The following ARHGEF7 variants were observed in gnomAD, a reference collection of about 807,000 sequenced individuals.
ARHGEF7 encodes the protein Rho guanine nucleotide exchange factor 7, also known as PAK-interacting exchange factor beta.
In ARHGEF7, 33 loss-of-function variants were observed where a neutral mutation model predicts 109.8. The observed-to-expected ratio is 0.30, with a 90% CI of 0.23 to 0.40. The LOEUF is 0.40. ARHGEF7 is among the 10% of genes least tolerant of loss of function. The pLI is 1.00. For missense variants in ARHGEF7, 938 were observed against 1,098.5 expected, an observed-to-expected ratio of 0.85 and a Z score of 2.07; for synonymous variants, 458 against 424.6, an observed-to-expected ratio of 1.08 and a Z score of -0.97.
At position 111,258,345 on chromosome 13, in the gene ARHGEF7, C is replaced by G. The variant is rs1566983587; in HGVS notation, c.951-9203C>G. 6.6e-6 allele frequency among the ~76,000 whole-genome samples: 1 copy of G among 152,268 alleles called. No individual in the cohort carries two copies. ...GCAGCCTGCACCTCCAGGAGAGACT[C>G]CTTCCTTCTGCTAGAGAATAAGAGG... On this transcript the variant is annotated intron_variant, in intron 8 of 21. Coordinates refer to ENST00000646102, the MANE Select transcript of ARHGEF7 (RefSeq NM_001354046.2). The surrounding 1 kb of genome is among the most constrained non-coding windows in gnomAD (Gnocchi z 4.4).
intron 4 of ARHGEF7, among the ~76,000 whole-genome samples, chr13:111,215,843 C>T (rs1276269555): frequency 6.6e-6 from 1 of 152,140 alleles, no homozygotes; most frequent in Non-Finnish European, 1.5e-5. Context: ...GAGCCGCCTT[C>T]CATTGTCACC....
At chr13:111,126,127 G>A (rs1005368015) in intron 1 of ARHGEF7, among the ~76,000 whole-genome samples, 4 of 152,240 alleles carry the variant, frequency 2.6e-5, no homozygotes, top group African/African-American at 9.6e-5. Context: ...GGTGACAGAT[G>A]TCTTCTGGTG....
chr13:111,166,470 C>T (rs926366440), intron 2 of ARHGEF7, among the ~76,000 whole-genome samples: 4 of 152,106 alleles, frequency 2.6e-5, no homozygotes, highest in African/African-American at 7.2e-5. Context: ...GGCAAAAGCA[C>T]GGAAACCAAA....
chr13:111,153,635 T>C (rs1459330403), intron 1 of ARHGEF7: 4 of 1,187,010 alleles, frequency 3.4e-6, no homozygotes, highest in African/African-American at 1.6e-5. Flanking sequence ...GGGGGCGCGG[T>C]CTGAGGACGT....
rs952626929 is a variant in ARHGEF7 at position 111,228,924 on chromosome 13, G to A, written c.671-4281G>A. ...GGTTGGTGACACGTCACAAATGAAA[G>A]CGTAACCACTGAAACAGAGGGAAGC... On this transcript the variant is annotated intron_variant, in intron 5 of 21. Coordinates refer to ENST00000646102, the MANE Select transcript of ARHGEF7 (RefSeq NM_001354046.2). The surrounding 1 kb of genome is among the most constrained non-coding windows in gnomAD (Gnocchi z 4.6). Among the ~76,000 whole-genome samples the A allele has an allele frequency of 1.3e-5, 2 of 152,086 alleles. No homozygotes were observed. Among genetic ancestry groups the A allele is most frequent in the Non-Finnish European group, 2.9e-5 (2 of 68,024 alleles).
At chr13:111,300,951 AC>A in intron 20 of ARHGEF7, 104 bp downstream of exon 20, 1 of 618,628 alleles carries the variant, frequency 1.6e-6, no homozygotes, top group Non-Finnish European at 2.6e-6. Context: ...CAGAAGCTTC[AC>A]TTTTTTTTTT....
At position 111,187,278 on chromosome 13, in the gene ARHGEF7, G is replaced by T. The variant is rs371784886; in HGVS notation, c.253-18011G>T. Among the ~76,000 whole-genome samples the T allele has an allele frequency of 6.6e-5, 10 of 152,288 alleles. No individual in the cohort carries two copies. The East Asian group carries it at 1.2e-3, about 18-fold the overall frequency. Reference sequence around the variant, plus strand: ...TTCTGCTTCACTGGCTGTGAAATTGGTTCACGTGGTGGGCTCTGGGTCCAG... The same window carrying T: ...TTCTGCTTCACTGGCTGTGAAATTGTTTCACGTGGTGGGCTCTGGGTCCAG... On this transcript the variant is annotated intron_variant, in intron 2 of 21. Coordinates refer to ENST00000646102, the MANE Select transcript of ARHGEF7 (RefSeq NM_001354046.2).
chr13:111,302,937 AGCCCTACGCGAT>A, intron 21 of ARHGEF7, 42 bp from the exon 22 acceptor site: 2 of 1,601,950 alleles, frequency 1.2e-6, no homozygotes, highest in Non-Finnish European at 1.7e-6. Flanking sequence ...GGGGAAAGGA[AGCCCTACGCGAT>A]GCCAAAGATA....
rs539288196 is a variant in ARHGEF7 at position 111,276,722 on chromosome 13, C to T, written c.1420-865C>T. ...TCTTCAAGAGGGGAATATAGCAAGT[C>T]GTTCTCAGTGACTTCTTTAAAGTAC... On this transcript the variant is annotated intron_variant, in intron 12 of 21. Transcript: ENST00000646102. 3.3e-5 allele frequency among the ~76,000 whole-genome samples: 5 copies of T among 152,276 alleles called. No homozygotes were observed. In the South Asian group the frequency reaches 1.0e-3, roughly 32 times the overall value.
intron 1 of ARHGEF7, chr13:111,122,564 C>T (rs769500106): frequency 9.2e-5 from 14 of 152,296 alleles, no homozygotes; most frequent in African/African-American, 3.4e-4. Flanking sequence ...GGTCTCAAGG[C>T]GAGGCGGTGA....
At chr13:111,230,489 C>T (rs1161664595) in intron 5 of ARHGEF7, among the ~76,000 whole-genome samples, 1 of 152,192 alleles carries the variant, frequency 6.6e-6, no homozygotes, top group Non-Finnish European at 1.5e-5. Flanking sequence ...TGCCCCGCAC[C>T]CCTCCTGTTG....
intron 1 of ARHGEF7, among the ~76,000 whole-genome samples, chr13:111,122,899 C>T (rs1228757109): frequency 6.6e-6 from 1 of 152,178 alleles, no homozygotes; most frequent in Non-Finnish European, 1.5e-5. Context: ...CTTGGGAGAA[C>T]CGTTCACACT....
At chr13:111,135,973 A>G (rs1484605760) in intron 1 of ARHGEF7, among the ~76,000 whole-genome samples, 1 of 152,210 alleles carries the variant, frequency 6.6e-6, no homozygotes, top group Non-Finnish European at 1.5e-5. Context: ...ACGTCCCATC[A>G]ATACCTAATT....
rs1269579647 is a variant in ARHGEF7, at chr13:111,288,534, T to C, written c.2134+91T>C. On this transcript the variant is annotated intron_variant, in intron 18 of 21. Coordinates refer to ENST00000646102, the MANE Select transcript of ARHGEF7 (RefSeq NM_001354046.2). The stretch of plus-strand genomic sequence containing the variant: ...GAAGGAACCTGTTGTGGTAGGCCCC[T>C]TGCACAGCCCATGCGCCTGACCTCC... 1.1e-5 allele frequency: 11 copies of C among 979,472 alleles called. No individual in the cohort carries two copies. The Admixed American group carries it at 2.2e-4, about 20-fold the overall frequency. 60.7% of individuals were successfully genotyped at this position (979,472 alleles called of 1,614,324 possible).
In ARHGEF7 at chr13:111,115,378, G is replaced by A. The variant is rs945293484; in HGVS notation, c.-149G>A. 3 of 403,990 alleles carry A rather than the reference G, an allele frequency of 7.4e-6. No individual in the cohort carries two copies. The highest frequency in any genetic ancestry group is 3.3e-4 in the East Asian group (2 of 6,038). 25.0% of individuals were successfully genotyped at this position (403,990 alleles called of 1,614,324 possible). Reference sequence around the variant, plus strand: ...CGGGGCGCACGGAGAAGCGGGCCGGGCCGGACCTGCTGGGCCGCGCCGAGC... The same window carrying A: ...CGGGGCGCACGGAGAAGCGGGCCGGACCGGACCTGCTGGGCCGCGCCGAGC... On this transcript the variant is annotated 5_prime_UTR_variant, in exon 1 of 22. Coordinates refer to ENST00000646102, the MANE Select transcript of ARHGEF7 (RefSeq NM_001354046.2).
At chr13:111,119,869 G>A (rs567312653) in intron 1 of ARHGEF7, among the ~76,000 whole-genome samples, 2 of 152,272 alleles carry the variant, frequency 1.3e-5, no homozygotes, top group Admixed American at 6.5e-5. Flanking sequence ...GCCCTAAAAA[G>A]AACGTGATGA....
chr13:111,290,275 A>C (rs992878264), intron 18 of ARHGEF7, among the ~76,000 whole-genome samples: 1 of 152,270 alleles, frequency 6.6e-6, no homozygotes, highest in East Asian at 1.9e-4. Flanking sequence ...ACTGCAGATA[A>C]CTACTCAGAA....
At chr13:111,171,095 CAAAT>C (rs2077558644) in intron 2 of ARHGEF7, among the ~76,000 whole-genome samples, 1 of 152,312 alleles carries the variant, frequency 6.6e-6, no homozygotes, top group South Asian at 2.1e-4. Context: ...GGCTTGAACT[CAAAT>C]GAAAGAACTG....
At chr13:111,187,655 T>C (rs1476981476) in intron 2 of ARHGEF7, among the ~76,000 whole-genome samples, 2 of 152,252 alleles carry the variant, frequency 1.3e-5, no homozygotes, top group Non-Finnish European at 2.9e-5. Context: ...TTTGCTTTGC[T>C]GTTTTTATTC....
Sources: gnomAD v4.1 joint callset for allele counts (sites outside exome capture counted in the v4.1 genomes callset) on GRCh38, gnomAD v4.1.1 for gene constraint, Gnocchi (gnomAD v3.1) non-coding constraint, MANE v1.5 for transcripts, NCBI Gene and HGNC (gene_info 2026-07-23, HGNC 2026-07-21) for gene names.